Variants in HLF observed in about 807,000 individuals in gnomAD.
HLF encodes the protein hepatic leukemia factor.
In HLF, 3 loss-of-function variants were observed where a neutral mutation model predicts 22.6. The ratio of observed to expected loss-of-function variants is 0.13; its 90% CI spans 0.06 to 0.34. The LOEUF (loss-of-function observed/expected upper bound fraction) is 0.34, where lower values mean the gene tolerates loss of function less well. Among genes scored for constraint, HLF ranks in the 10% least tolerant of loss-of-function variants. The pLI is 1.00. For synonymous variants in HLF, 151 were observed against 151.8 expected (o/e 0.99, Z 0.04); for missense variants, 299 against 389.2 (o/e 0.77, Z 1.95).
chr17:55,294,497 C>T (rs777136788), intron 2 of HLF, among the ~76,000 whole-genome samples: 4 of 152,132 alleles, frequency 2.6e-5, no homozygotes, highest in Non-Finnish European at 5.9e-5. Context: ...GAGATACGCA[C>T]GTGAAAGCAG....
chr17:55,289,653 C>A (rs1420236548), intron 2 of HLF, among the ~76,000 whole-genome samples: 1 of 152,178 alleles, frequency 6.6e-6, no homozygotes, highest in African/African-American at 2.4e-5. Flanking sequence ...ATGTGGCAAA[C>A]ATCCTTATTC....
rs950167837 is a variant in HLF at position 55,322,209 on chromosome 17, G to T, written c.*1330G>T. On this transcript the variant is annotated 3_prime_UTR_variant, in exon 4 of 4. Transcript: ENST00000226067. ...AAAAGACACTGGTGTATCTCAGAAG[G>T]GGATGGTGTTGTCACAAACTGTGGT... 12 of 201,046 alleles carry T rather than the reference G, an allele frequency of 6.0e-5. No individual in the cohort carries two copies. Among genetic ancestry groups the T allele is most frequent in the African/African-American group, 2.8e-4 (12 of 43,506 alleles). The allele number at this position is 201,046 out of a possible 1,614,324, so 12.5% of individuals were successfully genotyped here. A position where few individuals can be genotyped will look rare whatever the true frequency, so the allele number is the denominator to read the frequency against.
At chr17:55,318,073 G>C (rs1204898109) in intron 3 of HLF, among the ~76,000 whole-genome samples, 1 of 152,142 alleles carries the variant, frequency 6.6e-6, no homozygotes, top group East Asian at 1.9e-4. Context: ...GTGAGAAACA[G>C]GGAGTGTTGA....
intron 2 of HLF, among the ~76,000 whole-genome samples, chr17:55,269,861 G>A (rs997681030): frequency 6.6e-6 from 1 of 152,172 alleles, no homozygotes; most frequent in Admixed American, 6.5e-5. Flanking sequence ...TTACTGGATT[G>A]GGGTATTTTG....
intron 2 of HLF, chr17:55,273,697 C>G (rs1462964692): frequency 2.6e-5 from 4 of 152,168 alleles, no homozygotes; most frequent in African/African-American, 9.7e-5. Context: ...ACCGTGTGCT[C>G]CAGGCACGTG....
intron 2 of HLF, chr17:55,271,600 G>C (rs925378217): frequency 6.6e-6 from 1 of 152,152 alleles, no homozygotes; most frequent in African/African-American, 2.4e-5. Flanking sequence ...CACAATCTTG[G>C]CTCGCTGCAA....
rs1463613679 is a variant in HLF, at chr17:55,325,115, C to A, written c.*4236C>A. 2 of 190,642 alleles carry A rather than the reference C, an allele frequency of 1.0e-5. No individual in the cohort carries two copies. Among genetic ancestry groups the A allele is most frequent in the Middle Eastern group, 1.8e-3 (1 of 550 alleles). 11.8% of individuals were successfully genotyped at this position (190,642 alleles called of 1,614,324 possible). A position where few individuals can be genotyped will look rare whatever the true frequency, so the allele number is the denominator to read the frequency against. On this transcript the variant is annotated 3_prime_UTR_variant, in exon 4 of 4. Transcript: ENST00000226067. ...GGCTAGCAATGGTATTCTGTTCCCA[C>A]CTCGGTAGCAAAGAGACCATTTGTA...
Position 55,267,994 on chromosome 17 carries a change from C to T in HLF, c.359C>T (p.Ala120Val). Residue 120 changes from alanine to valine, a missense_variant, in exon 2 of 4, where the codon GCC (alanine) becomes GTC (valine). Coordinates refer to ENST00000226067, the MANE Select transcript of HLF (RefSeq NM_002126.5). Reference sequence around the variant, plus strand: ...GGGCTGCAGCCAGCTTCCTCGGCTGCCCCCTCGGTCATGGACCTCAGCAGC... The same window carrying T: ...GGGCTGCAGCCAGCTTCCTCGGCTGTCCCCTCGGTCATGGACCTCAGCAGC... ...PPGLQPASSA[A>V]PSVMDLSSRA... 6.2e-7 allele frequency: 1 copy of T among 1,613,794 alleles called. No homozygotes were observed. The highest frequency in any genetic ancestry group is 8.5e-7 in the Non-Finnish European group (1 of 1,179,828).
At chr17:55,314,433 T>A (rs2145369734) in intron 2 of HLF, among the ~76,000 whole-genome samples, 1 of 152,334 alleles carries the variant, frequency 6.6e-6, no homozygotes, top group East Asian at 1.9e-4. Flanking sequence ...GCTCATGCAA[T>A]CCGTTCATCA....
chr17:55,298,783 G>T (rs2081131611), intron 2 of HLF, among the ~76,000 whole-genome samples: 1 of 152,118 alleles, frequency 6.6e-6, no homozygotes, highest in Non-Finnish European at 1.5e-5. Flanking sequence ...TGGCTGTTTG[G>T]CCATTTTTCT....
intron 2 of HLF, among the ~76,000 whole-genome samples, chr17:55,302,143 C>G (rs748851835): frequency 1.3e-5 from 2 of 152,152 alleles, no homozygotes; most frequent in African/African-American, 4.8e-5. Context: ...ATGAGGTGAC[C>G]TGCAGGAGAG....
chr17:55,303,704 A>G (rs1351473909), intron 2 of HLF, among the ~76,000 whole-genome samples: 1 of 152,174 alleles, frequency 6.6e-6, no homozygotes, highest in East Asian at 1.9e-4. Context: ...GGTGGCAGGA[A>G]GGGTGAGGTC....
intron 2 of HLF, among the ~76,000 whole-genome samples, chr17:55,314,962 A>G (rs948714771): frequency 6.6e-6 from 1 of 152,244 alleles, no homozygotes; most frequent in Admixed American, 6.5e-5. Flanking sequence ...GAAAGAATGA[A>G]TGTGTATTTT....
chr17:55,315,821 T>G (rs1905043372), intron 3 of HLF, among the ~76,000 whole-genome samples: 2 of 152,192 alleles, frequency 1.3e-5, no homozygotes, highest in Non-Finnish European at 2.9e-5. Context: ...TGAACCTCAT[T>G]GCCCTCGAAG....
rs1388585053 is a variant in HLF at position 55,320,659 on chromosome 17, A to T, written c.673-5A>T. On this transcript the variant is annotated splice_polypyrimidine_tract_variant and splice_region_variant and intron_variant, in intron 3 of 3. Transcript: ENST00000226067. This position sits in a 1 kb window ranked among gnomAD's most constrained non-coding sequence, Gnocchi z 4.2. ...TTCTTTTTCCCTTCTGTAACTAATGAGCAGGATGACAAGTACTGGGCAAGG... is the reference window on the plus strand; with the variant it reads ...TTCTTTTTCCCTTCTGTAACTAATGTGCAGGATGACAAGTACTGGGCAAGG... The T allele has an allele frequency of 6.2e-7, 1 of 1,613,442 alleles. No individual in the cohort carries two copies. Among genetic ancestry groups the T allele is most frequent in the Admixed American group, 1.7e-5 (1 of 60,016 alleles).
At position 55,291,954 on chromosome 17, in the gene HLF, G is replaced by C. The variant is rs975280044; in HGVS notation, c.452-23273G>C. On this transcript the variant is annotated intron_variant, in intron 2 of 3. Coordinates refer to ENST00000226067, the MANE Select transcript of HLF (RefSeq NM_002126.5). ...ACTTTAGATGTGGCGGAAATAGCAA[G>C]AGATCTAGAATTAGAAGTAGAACTT... Among the ~76,000 whole-genome samples, 6 of 152,220 alleles carry C rather than the reference G, an allele frequency of 3.9e-5. No homozygotes were observed. In the East Asian group the frequency reaches 1.2e-3, roughly 29 times the overall value.
In HLF at chr17:55,324,783, G is replaced by T; in HGVS notation, c.*3904G>T. 1 of 229,590 alleles carries T rather than the reference G, an allele frequency of 4.4e-6. No individual in the cohort carries two copies. 14.2% of individuals were successfully genotyped at this position (229,590 alleles called of 1,614,324 possible). A position where few individuals can be genotyped will look rare whatever the true frequency, so the allele number is the denominator to read the frequency against. ...GTCAATACATTTTGCAGGAGGCTAA[G>T]TGTAAGAGTGTGTGTGTGTGTGTGT... On this transcript the variant is annotated 3_prime_UTR_variant, in exon 4 of 4. Coordinates refer to ENST00000226067, the MANE Select transcript of HLF (RefSeq NM_002126.5).
At chr17:55,266,391 C>G (rs2080790420) in intron 1 of HLF, 1 of 152,242 alleles carries the variant, frequency 6.6e-6, no homozygotes, top group South Asian at 2.1e-4. Flanking sequence ...GCCCCAAACC[C>G]GGCTAAGTGA....
intron 2 of HLF, among the ~76,000 whole-genome samples, chr17:55,291,102 A>G (rs376099946): frequency 6.6e-6 from 1 of 152,240 alleles, no homozygotes; most frequent in African/African-American, 2.4e-5. Flanking sequence ...GAAAGAAGCC[A>G]TCTCTATAAC....
Sources: gnomAD v4.1 joint callset for allele counts (sites outside exome capture counted in the v4.1 genomes callset) on GRCh38, gnomAD v4.1.1 for gene constraint, Gnocchi (gnomAD v3.1) non-coding constraint, MANE v1.5 for transcripts, NCBI Gene and HGNC (gene_info 2026-07-23, HGNC 2026-07-21) for gene names.